The following IGSF21 variants were observed in gnomAD, a reference collection of about 807,000 sequenced individuals.
The protein encoded by IGSF21 is immunoglobin superfamily member 21, also known as immunoglobulin superfamily member 21.
In IGSF21, 28 loss-of-function variants were observed where a neutral mutation model predicts 46.8. The observed-to-expected ratio is 0.60, with a 90% CI of 0.44 to 0.82. The LOEUF (loss-of-function observed/expected upper bound fraction) is 0.82. Ranked by LOEUF, IGSF21 falls within the 40% of genes least tolerant of loss-of-function variation. The pLI is 0.00. For synonymous variants in IGSF21, 284 were observed against 273.6 expected (o/e 1.04, Z -0.38); for missense variants, 624 against 665.5 (o/e 0.94, Z 0.69).
chr1:18,231,168 G>T (rs11260962), intron 2 of IGSF21, among the ~76,000 whole-genome samples: 23,635 of 152,164 alleles, frequency 0.16, 2,202 homozygotes, highest in Non-Finnish European at 0.2. Flanking sequence ...GGCACAAAAT[G>T]GCCCAAAACA....
intron 2 of IGSF21, among the ~76,000 whole-genome samples, chr1:18,230,428 A>G (rs1372249450): frequency 6.6e-6 from 1 of 152,110 alleles, no homozygotes; most frequent in East Asian, 1.9e-4. Context: ...ATTTTATTTC[A>G]TTTCACATCC....
At chr1:18,350,265 A>G (rs543739582) in intron 4 of IGSF21, among the ~76,000 whole-genome samples, 2 of 152,192 alleles carry the variant, frequency 1.3e-5, no homozygotes, top group Non-Finnish European at 2.9e-5. Context: ...TCCCTGCAGT[A>G]GCCTGTGGGT....
chr1:18,359,433 AG>A (rs2086068449), intron 4 of IGSF21, among the ~76,000 whole-genome samples: 1 of 148,666 alleles, frequency 6.7e-6, no homozygotes, highest in Non-Finnish European at 1.5e-5. Flanking sequence ...GAAGGAAGGA[AG>A]GAAGGAAAAG....
At chr1:18,351,420 A>C (rs920118205) in intron 4 of IGSF21, among the ~76,000 whole-genome samples, 1 of 152,206 alleles carries the variant, frequency 6.6e-6, no homozygotes, top group Non-Finnish European at 1.5e-5. Context: ...CTTCAAGGCC[A>C]GGGCTAAGCT....
intron 2 of IGSF21, among the ~76,000 whole-genome samples, chr1:18,260,831 T>C (rs1000389131): frequency 5.9e-5 from 9 of 152,186 alleles, no homozygotes; most frequent in African/African-American, 1.9e-4. Flanking sequence ...CAGTCCCACC[T>C]CCTACCTCAT....
chr1:18,206,289 C>A (rs1401514369), intron 1 of IGSF21, among the ~76,000 whole-genome samples: 1 of 152,164 alleles, frequency 6.6e-6, no homozygotes, highest in Non-Finnish European at 1.5e-5. Flanking sequence ...TGGCTCATGC[C>A]TGCAATCCCA....
chr1:18,232,303 G>A (rs1209033941), intron 2 of IGSF21, among the ~76,000 whole-genome samples: 1 of 149,084 alleles, frequency 6.7e-6, no homozygotes, highest in African/African-American at 2.5e-5. Flanking sequence ...CTTAAGTTGG[G>A]ACTTGGTTCA....
At chr1:18,153,619 T>G (rs2086541092) in intron 1 of IGSF21, among the ~76,000 whole-genome samples, 1 of 151,998 alleles carries the variant, frequency 6.6e-6, no homozygotes, top group Non-Finnish European at 1.5e-5. Context: ...ATCCTCACCA[T>G]CCTATGGACT....
chr1:18,282,891 T>TCA (rs1221713363), intron 2 of IGSF21, among the ~76,000 whole-genome samples: 2 of 152,214 alleles, frequency 1.3e-5, no homozygotes, highest in Non-Finnish European at 2.9e-5. Flanking sequence ...ACTTTGCCTT[T>TCA]CACACACATG....
rs954118045 is a variant in IGSF21, at chr1:18,337,511, C to T, written c.424+2501C>T. ...TTTTGGCCCCAGCAAAGAGAAGTCC[C>T]CCATTCACAGCTCCAAAGAGCCCTG... On this transcript the variant is annotated intron_variant, in intron 4 of 9. Coordinates refer to ENST00000251296, the MANE Select transcript of IGSF21 (RefSeq NM_032880.5). The surrounding 1 kb of genome is among the most constrained non-coding windows in gnomAD (Gnocchi z 5.7). Among the ~76,000 whole-genome samples the T allele has an allele frequency of 2.0e-5, 3 of 152,162 alleles. No homozygotes were observed. The highest frequency in any genetic ancestry group is 4.4e-5 in the Non-Finnish European group (3 of 68,032).
At chr1:18,220,606 C>T (rs187535398) in intron 1 of IGSF21, among the ~76,000 whole-genome samples, 38 of 152,144 alleles carry the variant, frequency 2.5e-4, no homozygotes, top group African/African-American at 8.9e-4. Flanking sequence ...GGTGAGCATA[C>T]CCTGAATATG....
intron 1 of IGSF21, among the ~76,000 whole-genome samples, chr1:18,173,809 A>C (rs1472554498): frequency 6.6e-6 from 1 of 152,226 alleles, no homozygotes; most frequent in Non-Finnish European, 1.5e-5. Flanking sequence ...GCTGGGGTGC[A>C]GTGGTGCAAT....
rs923217941 is a variant in IGSF21, at chr1:18,290,019, C to T, written c.184-1847C>T. Among the ~76,000 whole-genome samples, 13 of 152,196 alleles carry T rather than the reference C, an allele frequency of 8.5e-5. No individual in the cohort carries two copies. Among genetic ancestry groups the T allele is most frequent in the African/African-American group, 3.1e-4 (13 of 41,452 alleles). On this transcript the variant is annotated intron_variant, in intron 2 of 9. Coordinates refer to ENST00000251296, the MANE Select transcript of IGSF21 (RefSeq NM_032880.5). The surrounding 1 kb of genome is among the most constrained non-coding windows in gnomAD (Gnocchi z 4.2). ...AAGCTCTGATCCCAAGTACAGCCAA[C>T]TCTCTTCTCCACCCCATGCCAAGCT...
chr1:18,267,593 G>A (rs945880610), intron 2 of IGSF21, among the ~76,000 whole-genome samples: 7 of 152,214 alleles, frequency 4.6e-5, no homozygotes, highest in Non-Finnish European at 7.3e-5. Flanking sequence ...TGAGAAGCTT[G>A]GAAAAAGGGG....
chr1:18,231,421 C>T (rs929864238), intron 2 of IGSF21, among the ~76,000 whole-genome samples: 10 of 152,088 alleles, frequency 6.6e-5, no homozygotes, highest in Admixed American at 1.3e-4. Context: ...TGGGAGGAAG[C>T]GGCAAGAGCC....
chr1:18,302,569 T>C (rs572118705), intron 3 of IGSF21, among the ~76,000 whole-genome samples: 9 of 152,264 alleles, frequency 5.9e-5, no homozygotes, highest in South Asian at 2.1e-4. Flanking sequence ...AAGAGCCCAC[T>C]TCCTATTGCG....
chr1:18,153,820 T>C (rs988070757), intron 1 of IGSF21, among the ~76,000 whole-genome samples: 2 of 152,152 alleles, frequency 1.3e-5, no homozygotes, highest in Non-Finnish European at 2.9e-5. Flanking sequence ...ACGCAGCGTC[T>C]GCGAATCCAT....
At chr1:18,185,613 A>C (rs997812916) in intron 1 of IGSF21, among the ~76,000 whole-genome samples, 1 of 152,158 alleles carries the variant, frequency 6.6e-6, no homozygotes, top group Non-Finnish European at 1.5e-5. Flanking sequence ...CCTGGTGTTA[A>C]AGATAGATTT....
chr1:18,360,393 A>G (rs903935574), intron 4 of IGSF21, among the ~76,000 whole-genome samples: 1 of 152,148 alleles, frequency 6.6e-6, no homozygotes, highest in Non-Finnish European at 1.5e-5. Flanking sequence ...ACCTGATTTC[A>G]TTTCACTAGG....
Sources: gnomAD v4.1 joint callset for allele counts (sites outside exome capture counted in the v4.1 genomes callset) on GRCh38, gnomAD v4.1.1 for gene constraint, Gnocchi (gnomAD v3.1) non-coding constraint, MANE v1.5 for transcripts, NCBI Gene and HGNC (gene_info 2026-07-23, HGNC 2026-07-21) for gene names.